Variants in PUS10 observed in about 807,000 individuals in gnomAD.
The protein encoded by PUS10 is tRNA pseudouridine synthase Pus10.
PUS10 carries 59 observed loss-of-function variants against 75.0 expected under a neutral mutation model. The observed-to-expected ratio is 0.79, with a 90% CI of 0.64 to 0.98. The LOEUF is 0.98. Ranked by LOEUF, PUS10 falls within the 50% of genes least tolerant of loss-of-function variation. PUS10 has a pLI of 0.00. For synonymous variants in PUS10, 219 were observed against 211.6 expected, an observed-to-expected ratio of 1.03 and a Z score of -0.30; for missense variants, 650 against 614.4, an observed-to-expected ratio of 1.06 and a Z score of -0.61.
At chr2:60,954,233 G>A (rs1675518508) in intron 12 of PUS10, 75 bp from the exon 13 acceptor site, 3 of 1,438,856 alleles carry the variant, frequency 2.1e-6, no homozygotes, top group African/African-American at 2.8e-5. Context: ...AAGAGGGTTA[G>A]GAGGTGTGAA....
intron 5 of PUS10, among the ~76,000 whole-genome samples, chr2:60,970,666 C>T (rs991336373): frequency 1.3e-5 from 2 of 151,950 alleles, no homozygotes; most frequent in Admixed American, 6.5e-5. Context: ...GGGGAGGGGA[C>T]GGAAATGATA....
intron 2 of PUS10, chr2:61,010,748 A>T: frequency 1.3e-6 from 2 of 1,546,850 alleles, no homozygotes; most frequent in Non-Finnish European, 1.7e-6. Flanking sequence ...AAGTGGTGGA[A>T]CTGGGATTCA....
intron 5 of PUS10, among the ~76,000 whole-genome samples, 157 bp downstream of exon 5, chr2:60,971,366 C>A (rs1326803224): frequency 6.6e-6 from 1 of 151,966 alleles, no homozygotes; most frequent in East Asian, 1.9e-4. Flanking sequence ...AAGATTGATA[C>A]CCTAAATGTA....
At chr2:61,001,120 T>A (rs1452407131) in intron 4 of PUS10, among the ~76,000 whole-genome samples, 1 of 152,224 alleles carries the variant, frequency 6.6e-6, no homozygotes, top group Non-Finnish European at 1.5e-5. Flanking sequence ...GCATCAGCAG[T>A]ATACTATCAG....
intron 5 of PUS10, 127 bp downstream of exon 5, chr2:60,971,396 T>C (rs1676652096): frequency 1.2e-6 from 1 of 832,830 alleles, no homozygotes; most frequent in Non-Finnish European, 2.0e-6. Flanking sequence ...AATTGGTTCT[T>C]TGTGCTAATT....
intron 16 of PUS10, 142 bp downstream of exon 16, chr2:60,947,897 CAAAG>C: frequency 1.8e-6 from 1 of 542,410 alleles, no homozygotes; most frequent in Non-Finnish European, 3.0e-6. Flanking sequence ...CCACATCCAA[CAAAG>C]AAACAAACAA....
intron 1 of PUS10, chr2:61,017,716 G>A (rs539097293): frequency 2.0e-6 from 3 of 1,496,672 alleles, no homozygotes; most frequent in Admixed American, 2.0e-5. Context: ...ACGCGGGCCT[G>A]GACAGTCAGG....
chr2:60,962,361 C>T (rs985905492), intron 9 of PUS10, among the ~76,000 whole-genome samples: 4 of 152,300 alleles, frequency 2.6e-5, no homozygotes, highest in South Asian at 2.1e-4. Flanking sequence ...CACCTGAGGT[C>T]AGGAGTTCAA....
intron 4 of PUS10, among the ~76,000 whole-genome samples, chr2:60,991,181 A>T (rs2104563256): frequency 6.6e-6 from 1 of 152,200 alleles, no homozygotes; most frequent in African/African-American, 2.4e-5. Flanking sequence ...ACCTGGCCTG[A>T]CCTATACTTT....
intron 6 of PUS10, chr2:60,966,414 C>A (rs1676344883): frequency 1.3e-5 from 2 of 152,150 alleles, no homozygotes; most frequent in Non-Finnish European, 2.9e-5. Context: ...ATTAGCTACT[C>A]TAGAATCACA....
intron 6 of PUS10, chr2:60,966,441 T>C (rs568762800): frequency 2.0e-5 from 3 of 152,386 alleles, no homozygotes; most frequent in African/African-American, 7.2e-5. Context: ...AATAGCTTTT[T>C]TTTTCTCGCT....
intron 1 of PUS10, chr2:61,017,710 G>C (rs1358458200): frequency 3.3e-5 from 48 of 1,455,286 alleles, no homozygotes; most frequent in Non-Finnish European, 4.3e-5. Context: ...TGGTCTACGC[G>C]GGCCTGGACA....
chr2:61,002,745 C>T (rs1489215884), intron 4 of PUS10, among the ~76,000 whole-genome samples: 1 of 152,186 alleles, frequency 6.6e-6, no homozygotes, highest in Non-Finnish European at 1.5e-5. Flanking sequence ...AAGACCAAAC[C>T]CAGAAACTCA....
intron 12 of PUS10, 57 bp downstream of exon 12, chr2:60,954,961 A>G: frequency 8.4e-7 from 1 of 1,193,160 alleles, no homozygotes; most frequent in Non-Finnish European, 1.2e-6. Flanking sequence ...CCTGCTGTCT[A>G]GAAAGGATGA....
rs1394529628 is a variant in PUS10 at position 60,948,992 on chromosome 2, AG to A, written c.1309-808del. Among the ~76,000 whole-genome samples, 4 of 152,158 alleles carry A rather than the reference AG, an allele frequency of 2.6e-5. No homozygotes were observed. In the East Asian group the frequency reaches 7.7e-4, roughly 29 times the overall value. ...ATTTCCATGGTTCTTGAGTGCCGGA[AG>A]GCCTGCTAAGAAAGAAAGGTTTCTG... On this transcript the variant is annotated intron_variant, in intron 15 of 17. Coordinates refer to ENST00000316752, the MANE Select transcript of PUS10 (RefSeq NM_144709.4).
At chr2:61,008,077 C>T (rs1292398213) in intron 3 of PUS10, among the ~76,000 whole-genome samples, 1 of 108,274 alleles carries the variant, frequency 9.2e-6, no homozygotes, top group Admixed American at 9.9e-5. Context: ...ACTCTGTCTC[C>T]AAAAAAAAAA....
At chr2:60,957,182 T>TAA (rs1675728912) in intron 11 of PUS10, among the ~76,000 whole-genome samples, 1 of 151,998 alleles carries the variant, frequency 6.6e-6, no homozygotes, top group African/African-American at 2.4e-5. Flanking sequence ...GCTTAAAACT[T>TAA]GGTTGAGTTT....
rs555889293 is a variant in PUS10, at chr2:60,981,050, C to T, written c.469-9493G>A. 4.6e-4 allele frequency among the ~76,000 whole-genome samples: 70 copies of T among 152,132 alleles called. No homozygotes were observed. In the South Asian group the frequency reaches 0.011, roughly 24 times the overall value. ...GGACTACAGGCACGCGCCACCATGC[C>T]TGGCTAATTTTTGTATTTTTTTAGT... On this transcript the variant is annotated intron_variant, in intron 4 of 17. Transcript: ENST00000316752.
At chr2:61,017,651 G>A in intron 1 of PUS10, 1 of 795,678 alleles carries the variant, frequency 1.3e-6, no homozygotes, top group East Asian at 2.7e-5. Flanking sequence ...AAGGGTGGGC[G>A]GGGTGGACGG....
Sources: gnomAD v4.1 joint callset for allele counts (sites outside exome capture counted in the v4.1 genomes callset) on GRCh38, gnomAD v4.1.1 for gene constraint, MANE v1.5 for transcripts, NCBI Gene and HGNC (gene_info 2026-07-23, HGNC 2026-07-21) for gene names.